The following EXOC2 variants were observed in gnomAD, a reference collection of about 807,000 sequenced individuals.
EXOC2 encodes SEC5-like 1.
A neutral mutation model predicts 131.8 loss-of-function variants in EXOC2; 70 were observed. The ratio of observed to expected loss-of-function variants is 0.53; its 90% CI spans 0.44 to 0.65. The LOEUF (loss-of-function observed/expected upper bound fraction) is 0.65, where lower values mean the gene tolerates loss of function less well. EXOC2 is among the 30% of genes least tolerant of loss of function. The pLI, the probability that EXOC2 is intolerant of heterozygous loss-of-function variation, is 0.00. For missense variants in EXOC2, 923 were observed against 1,108.6 expected (o/e 0.83, Z 2.38); for synonymous variants, 411 against 398.4 (o/e 1.03, Z -0.38).
chr6:621,427 G>A (rs1201318874), intron 4 of EXOC2, among the ~76,000 whole-genome samples: 1 of 152,142 alleles, frequency 6.6e-6, no homozygotes, highest in East Asian at 1.9e-4. Context: ...ACCAGATCTC[G>A]AGGAGTTCCT....
At position 557,736 on chromosome 6, in the gene EXOC2, C is replaced by T. The variant is rs531554242; in HGVS notation, c.1852-1172G>A. 1.1e-3 allele frequency among the ~76,000 whole-genome samples: 160 copies of T among 151,510 alleles called. 1 individual carries two copies. Among genetic ancestry groups the T allele is most frequent in the African/African-American group, 3.6e-3 (149 of 41,248 alleles). ...GACTGTGAGAACATTGATGCTGAGA[C>T]GGGAAGGGGAAGAGGGACCAGCCCT... On this transcript the variant is annotated intron_variant, in intron 17 of 27. Coordinates refer to ENST00000230449, the MANE Select transcript of EXOC2 (RefSeq NM_018303.6).
At chr6:605,957 G>A (rs577733710) in intron 7 of EXOC2, among the ~76,000 whole-genome samples, 1 of 152,234 alleles carries the variant, frequency 6.6e-6, no homozygotes, top group East Asian at 1.9e-4. Context: ...ATTTTGTTAT[G>A]TATCCAGTAG....
chr6:488,281 T>C (rs1040246624), intron 27 of EXOC2, among the ~76,000 whole-genome samples: 6 of 152,148 alleles, frequency 3.9e-5, no homozygotes, highest in African/African-American at 1.4e-4. Context: ...TTTCAGTCAG[T>C]GCACCACATG....
chr6:665,197 A>G (rs1415299283), intron 1 of EXOC2, among the ~76,000 whole-genome samples: 1 of 152,204 alleles, frequency 6.6e-6, no homozygotes, highest in Non-Finnish European at 1.5e-5. Context: ...CAGCATCACT[A>G]ATGATCAGGG....
At chr6:566,102 A>T (rs1046105812) in intron 13 of EXOC2, among the ~76,000 whole-genome samples, 1 of 152,220 alleles carries the variant, frequency 6.6e-6, no homozygotes, top group Non-Finnish European at 1.5e-5. Flanking sequence ...TCTTGAAAGA[A>T]TTAAAGGTAT....
At chr6:516,541 A>T (rs922509020) in intron 23 of EXOC2, among the ~76,000 whole-genome samples, 10 of 152,240 alleles carry the variant, frequency 6.6e-5, no homozygotes, top group African/African-American at 2.4e-4. Context: ...ATCAAAAGAA[A>T]GGCAGGTTTT....
chr6:625,746 G>A (rs983052418), intron 4 of EXOC2, among the ~76,000 whole-genome samples: 10 of 152,016 alleles, frequency 6.6e-5, no homozygotes, highest in Non-Finnish European at 1.3e-4. Flanking sequence ...AAGCCAGGCC[G>A]ATTCGAAGAA....
chr6:656,035 C>T (rs1456097667), intron 1 of EXOC2: 6 of 1,148,046 alleles, frequency 5.2e-6, no homozygotes, highest in Non-Finnish European at 6.3e-6. Context: ...ATTTTCAACC[C>T]AATTAACTCA....
intron 11 of EXOC2, among the ~76,000 whole-genome samples, chr6:579,510 G>A (rs1171140842): frequency 6.6e-6 from 1 of 152,174 alleles, no homozygotes; most frequent in Admixed American, 6.5e-5. Context: ...ACATTCGGAA[G>A]ATGTATTTTT....
intron 1 of EXOC2, among the ~76,000 whole-genome samples, chr6:665,954 A>G (rs565222614): frequency 4.3e-4 from 65 of 152,316 alleles, no homozygotes; most frequent in African/African-American, 1.5e-3. Context: ...TAAGAGTCAA[A>G]AAATTATAGT....
intron 22 of EXOC2, 93 bp downstream of exon 22, chr6:549,082 A>C: frequency 2.1e-6 from 2 of 970,168 alleles, no homozygotes; most frequent in Non-Finnish European, 3.3e-6. Flanking sequence ...CGCAGAGGGA[A>C]TGGGCACTGC....
chr6:543,290 A>G (rs899513378), intron 22 of EXOC2, among the ~76,000 whole-genome samples: 1 of 152,228 alleles, frequency 6.6e-6, no homozygotes, highest in African/African-American at 2.4e-5. Flanking sequence ...AGCCTTAAAG[A>G]AGAAGGAAAT....
At chr6:603,948 A>G (rs1760254530) in intron 7 of EXOC2, among the ~76,000 whole-genome samples, 1 of 152,220 alleles carries the variant, frequency 6.6e-6, no homozygotes, top group Non-Finnish European at 1.5e-5. Flanking sequence ...GCTAATAACG[A>G]CAGGAAGCAC....
At chr6:542,199 G>T (rs1756595036) in intron 22 of EXOC2, among the ~76,000 whole-genome samples, 1 of 152,188 alleles carries the variant, frequency 6.6e-6, no homozygotes, top group Non-Finnish European at 1.5e-5. Flanking sequence ...CAGCTTGGTG[G>T]TGTGGGAGCA....
At chr6:545,752 A>G (rs1312208619) in intron 22 of EXOC2, among the ~76,000 whole-genome samples, 2 of 152,240 alleles carry the variant, frequency 1.3e-5, no homozygotes, top group South Asian at 2.1e-4. Context: ...GTAATTAGAC[A>G]TGTGATCAAA....
intron 10 of EXOC2, among the ~76,000 whole-genome samples, chr6:597,277 A>G (rs902918427): frequency 6.6e-6 from 1 of 151,968 alleles, no homozygotes; most frequent in Non-Finnish European, 1.5e-5. Flanking sequence ...CCCGGGTTCA[A>G]GCGATTCTCC....
At chr6:560,837 A>G (rs1267191518) in intron 17 of EXOC2, among the ~76,000 whole-genome samples, 1 of 151,544 alleles carries the variant, frequency 6.6e-6, no homozygotes, top group Non-Finnish European at 1.5e-5. Flanking sequence ...CCTCCCAGGT[A>G]GCTGGGATTA....
chr6:552,328 G>C (rs896433846), intron 21 of EXOC2, among the ~76,000 whole-genome samples: 2 of 152,176 alleles, frequency 1.3e-5, no homozygotes, highest in Non-Finnish European at 2.9e-5. Context: ...TTGCACTGAT[G>C]ACCCTGCATT....
In EXOC2 at chr6:485,228, T is replaced by C. The variant is rs142175900; in HGVS notation, c.*1443A>G. ...ATATCACAAACATTCATGATTGCAG[T>C]TTTTAAACTTAGCTCACAGTTGAGT... On this transcript the variant is annotated 3_prime_UTR_variant, in exon 28 of 28. Transcript: ENST00000230449. 2.0e-5 allele frequency: 3 copies of C among 152,332 alleles called. No individual in the cohort carries two copies. The highest frequency in any genetic ancestry group is 7.2e-5 in the African/African-American group (3 of 41,570). The allele number at this position is 152,332 out of a possible 1,614,324, so 9.4% of individuals were successfully genotyped here. A position where few individuals can be genotyped will look rare whatever the true frequency, so the allele number is the denominator to read the frequency against.
Sources: allele counts gnomAD v4.1 joint callset (sites outside exome capture counted in the v4.1 genomes callset), GRCh38; gene constraint gnomAD v4.1.1; transcripts MANE v1.5; gene names NCBI Gene and HGNC (gene_info 2026-07-23, HGNC 2026-07-21).